The following TRIML1 variants were observed in gnomAD, a reference collection of about 807,000 sequenced individuals.
TRIML1 encodes the protein probable E3 ubiquitin-protein ligase TRIML1.
Under a neutral mutation model 32.3 loss-of-function variants are expected in TRIML1, and 34 were observed. The ratio of observed to expected loss-of-function variants is 1.05; its 90% CI spans 0.80 to 1.40. The LOEUF is 1.40. TRIML1 is among the 40% of genes most tolerant of loss of function. TRIML1 has a pLI of 0.00. For synonymous variants in TRIML1, 244 were observed against 226.6 expected (o/e 1.08, Z -0.69); for missense variants, 595 against 574.9 (o/e 1.03, Z -0.36).
intron 5 of TRIML1, among the ~76,000 whole-genome samples, chr4:188,146,053 A>G (rs62351467): frequency 0.27 from 40,363 of 152,114 alleles, 5,600 homozygotes; most frequent in Middle Eastern, 0.41. Context: ...TGTAAAAATT[A>G]TAGAAAAGAA....
chr4:188,140,066 G>A, intron 1 of TRIML1, 100 bp downstream of exon 1: 2 of 1,279,556 alleles, frequency 1.6e-6, no homozygotes, highest in Non-Finnish European at 2.2e-6. Flanking sequence ...CAGTCACGAG[G>A]GCCCATCTGA....
rs1194067331 is a variant in TRIML1, at chr4:188,140,122, TTCCCTTTTTTTG to T, written c.408+158_408+169del. ...GTGGGTCCAGTTTACACCCTTTTTT[TTCCCTTTTTTTG>T]TTTTTGAGACAGAGTTTTGCTCTGT... On this transcript the variant is annotated intron_variant, in intron 1 of 5. Coordinates refer to ENST00000332517, the MANE Select transcript of TRIML1 (RefSeq NM_178556.5). 2.8e-5 allele frequency among the ~76,000 whole-genome samples: 4 copies of T among 143,894 alleles called. No homozygotes were observed. The South Asian group carries it at 8.8e-4, about 32-fold the overall frequency. 94.4% of individuals were successfully genotyped at this position (143,894 alleles called of 152,430 possible).
chr4:188,150,652 T>C (rs1446845403), downstream of TRIML1, among the ~76,000 whole-genome samples: 1 of 151,944 alleles, frequency 6.6e-6, no homozygotes, highest in African/African-American at 2.4e-5. Flanking sequence ...CCTTTCCTTC[T>C]TTGTCCCAAA....
intron 5 of TRIML1, among the ~76,000 whole-genome samples, chr4:188,144,393 C>T (rs1734980097): frequency 1.3e-5 from 2 of 150,338 alleles, no homozygotes; most frequent in African/African-American, 4.9e-5. Context: ...GACGGAGTCT[C>T]ACTCCGTGTC....
intron 3 of TRIML1, chr4:188,142,997 A>T (rs1429042046): frequency 3.3e-5 from 5 of 152,476 alleles, no homozygotes; most frequent in Non-Finnish European, 4.3e-5. Flanking sequence ...CTGTGCAGGG[A>T]GCTCCTATTT....
chr4:188,139,757 T>C lies in TRIML1; in HGVS notation c.199T>C (p.Ser67Pro), dbSNP rs1734776304. Residue 67 changes from serine (S) to proline (P), a missense_variant, in exon 1 of 6, where the codon TCA becomes CCA. By Grantham distance (74) the Ser-to-Pro change is moderately conservative. Coordinates refer to ENST00000332517, the MANE Select transcript of TRIML1 (RefSeq NM_178556.5). ...WRTLEGPHFQ[S>P]NERLGRLASI... is the part of the protein sequence containing the mutation. Reference sequence around the variant, plus strand: ...GACCTTGGAGGGCCCGCATTTCCAGTCAAACGAGCGTCTGGGGAGGCTGGC... The same window carrying C: ...GACCTTGGAGGGCCCGCATTTCCAGCCAAACGAGCGTCTGGGGAGGCTGGC... The C allele has an allele frequency of 1.2e-6, 2 of 1,613,858 alleles. No homozygotes were observed. The highest frequency in any genetic ancestry group is 1.3e-5 in the African/African-American group (1 of 74,984).
rs150549476 is a variant in TRIML1 at position 188,142,671 on chromosome 4, AC to A, written c.735+190del. On this transcript the variant is annotated intron_variant, in intron 3 of 5. Coordinates refer to ENST00000332517, the MANE Select transcript of TRIML1 (RefSeq NM_178556.5). The stretch of plus-strand genomic sequence containing the variant: ...AAGAGAGAGAGAGAGAAAAAAAAAA[AC>A]ACATCCAGAGGAATAACTATCCCAA... 1.7e-3 allele frequency among the ~76,000 whole-genome samples: 252 copies of A among 150,976 alleles called. 1 individual carries two copies. Among genetic ancestry groups the A allele is most frequent in the African/African-American group, 5.8e-3 (237 of 41,070 alleles).
At chr4:188,143,761 G>A (rs199589010) in intron 3 of TRIML1, 77 bp from the exon 4 acceptor site, 1 of 1,551,476 alleles carries the variant, frequency 6.4e-7, no homozygotes, top group African/African-American at 1.4e-5. Flanking sequence ...AGCTTTGCAA[G>A]GACTGTATGC....
At chr4:188,144,005 C>T (rs2111232401) in intron 4 of TRIML1, 31 bp from the exon 5 acceptor site, 1 of 1,611,104 alleles carries the variant, frequency 6.2e-7, no homozygotes, top group Non-Finnish European at 8.5e-7. Context: ...GCGGTCTGTG[C>T]CGAGGAGTGA....
intron 5 of TRIML1, among the ~76,000 whole-genome samples, chr4:188,144,988 G>T (rs565749967): frequency 6.6e-6 from 1 of 152,210 alleles, no homozygotes; most frequent in African/African-American, 2.4e-5. Flanking sequence ...ATGGGCCCCG[G>T]CACTATGCTA....
rs1735140507 is a variant in TRIML1, at chr4:188,147,612, C to T, written c.*240C>T. On this transcript the variant is annotated 3_prime_UTR_variant, in exon 6 of 6. Coordinates refer to ENST00000332517, the MANE Select transcript of TRIML1 (RefSeq NM_178556.5). ...CTGTGTCTTTAAGTAAATGTATTCTCTGGGCTACCCCATGTGTGTGCTGGT... is the reference window on the plus strand; with the variant it reads ...CTGTGTCTTTAAGTAAATGTATTCTTTGGGCTACCCCATGTGTGTGCTGGT... 8.1e-6 allele frequency: 3 copies of T among 369,840 alleles called. No individual in the cohort carries two copies. In the South Asian group the frequency reaches 4.4e-4, roughly 54 times the overall value. 22.9% of individuals were successfully genotyped at this position (369,840 alleles called of 1,614,324 possible).
At position 188,147,003 on chromosome 4, in the gene TRIML1, G is replaced by T. The variant is rs1355139278; in HGVS notation, c.1038G>T (p.Glu346Asp). The T allele has an allele frequency of 6.3e-7, 1 of 1,594,258 alleles. No individual in the cohort carries two copies. Among genetic ancestry groups the T allele is most frequent in the African/African-American group, 1.3e-5 (1 of 74,730 alleles). Reference sequence around the variant, plus strand: ...GTGGGAGACACTACTGGGAGGTGGAGGTGGGAAACAAGACCGAGTGGGAAG... The same window carrying T: ...GTGGGAGACACTACTGGGAGGTGGATGTGGGAAACAAGACCGAGTGGGAAG... Reference protein sequence around the residue: ...FTSGRHYWEVEVGNKTEWEVG... With the variant: ...FTSGRHYWEVDVGNKTEWEVG... The change falls in exon 6 of 6, where the codon GAG becomes GAT. Residue 346 changes from glutamate to aspartate, a missense_variant. Glu to Asp is a conservative substitution (Grantham distance 45). Transcript: ENST00000332517.
At chr4:188,141,390 T>C (rs1239612755) in intron 2 of TRIML1, among the ~76,000 whole-genome samples, 2 of 151,990 alleles carry the variant, frequency 1.3e-5, no homozygotes, top group Non-Finnish European at 2.9e-5. Flanking sequence ...GATCTCGAAC[T>C]CCCGACCTCA....
chr4:188,147,404 T>A lies in TRIML1; in HGVS notation c.*32T>A. On this transcript the variant is annotated 3_prime_UTR_variant, in exon 6 of 6. Coordinates refer to ENST00000332517, the MANE Select transcript of TRIML1 (RefSeq NM_178556.5). ...TGCCCTGAGCCGTCACAGCGGGCGA[T>A]GTCTGAGACCAAGACACAACTATTA... 2 of 1,453,344 alleles carry A rather than the reference T, an allele frequency of 1.4e-6. No individual in the cohort carries two copies. The highest frequency in any genetic ancestry group is 9.0e-7 in the Non-Finnish European group (1 of 1,105,012). 90.0% of individuals were successfully genotyped at this position (1,453,344 alleles called of 1,614,324 possible). A position where few individuals can be genotyped will look rare whatever the true frequency, so the allele number is the denominator to read the frequency against.
rs1228363044 is a variant in TRIML1, at chr4:188,139,906, A to T, written c.348A>T (p.Val116=). The part of the protein sequence containing the change: ...SDDEQGGSAF[V]AQSHGANRVH... ...ACGAGCAGGGTGGAAGCGCCTTCGT[A>T]GCCCAGAGCCATGGTGCAAACAGAG... Residue 116 remains valine, a synonymous_variant, in exon 1 of 6, where the codon GTA becomes GTT. Transcript: ENST00000332517. 7 of 1,613,822 alleles carry T rather than the reference A, an allele frequency of 4.3e-6. No individual in the cohort carries two copies. The South Asian group carries it at 6.6e-5, about 15-fold the overall frequency.
rs1413317545 is a variant in TRIML1 at position 188,147,037 on chromosome 4, TGC to T, written c.1073_1074del (p.Cys358Ter). ...GNKTEWEVGI[C>X]KDSVSRKGNL... Reference sequence around the variant, plus strand: ...CAAGACCGAGTGGGAAGTGGGCATCTGCAAGGACTCTGTGAGCAGAAAGGGGA... The same window carrying T: ...CAAGACCGAGTGGGAAGTGGGCATCTAAGGACTCTGTGAGCAGAAAGGGGA... On this transcript the variant is annotated frameshift_variant, in exon 6 of 6. Transcript: ENST00000332517. LOFTEE classifies it low-confidence loss of function (END_TRUNC). 2 of 1,610,572 alleles carry T rather than the reference TGC, an allele frequency of 1.2e-6. No individual in the cohort carries two copies. Among genetic ancestry groups the T allele is most frequent in the East Asian group, 4.5e-5 (2 of 44,810 alleles).
chr4:188,144,412 G>C (rs775142642), intron 5 of TRIML1, among the ~76,000 whole-genome samples: 1 of 149,878 alleles, frequency 6.7e-6, no homozygotes, highest in Non-Finnish European at 1.5e-5. Flanking sequence ...TCCCGGGCTG[G>C]AGCGCAGGGG....
intron 2 of TRIML1, 89 bp downstream of exon 2, chr4:188,140,712 G>A: frequency 5.3e-6 from 5 of 936,754 alleles, no homozygotes; most frequent in Non-Finnish European, 8.3e-6. Context: ...AAAAAAAAAA[G>A]ACAAATTTTT....
chr4:188,141,165 GTTTTTT>G (rs58714915), intron 2 of TRIML1, among the ~76,000 whole-genome samples: 2 of 118,822 alleles, frequency 1.7e-5, no homozygotes, highest in African/African-American at 6.0e-5. Context: ...TTTGAAATCT[GTTTTTT>G]TTTTTTTTTT....
Sources: allele counts gnomAD v4.1 joint callset (sites outside exome capture counted in the v4.1 genomes callset), GRCh38; gene constraint gnomAD v4.1.1; transcripts MANE v1.5; gene names NCBI Gene and HGNC (gene_info 2026-07-23, HGNC 2026-07-21).